The following FBXO4 variants were observed in gnomAD, a reference collection of about 807,000 sequenced individuals.
FBXO4 encodes the protein F-box protein 4.
In FBXO4, 36 loss-of-function variants were observed where a neutral mutation model predicts 43.7. The ratio of observed to expected loss-of-function variants is 0.82; its 90% CI spans 0.63 to 1.09. The LOEUF (loss-of-function observed/expected upper bound fraction) is 1.09. FBXO4 is among the 50% of genes least tolerant of loss of function. FBXO4 has a pLI of 0.00. For missense variants in FBXO4, 435 were observed against 474.1 expected (o/e 0.92, Z 0.77); for synonymous variants, 180 against 165.6 (o/e 1.09, Z -0.67).
chr5:41,925,404 A>C lies in FBXO4; in HGVS notation c.95A>C (p.Lys32Thr). 1 of 1,384,850 alleles carries C rather than the reference A, an allele frequency of 7.2e-7. No individual in the cohort carries two copies. Among genetic ancestry groups the C allele is most frequent in the Non-Finnish European group, 9.4e-7 (1 of 1,064,522 alleles). The allele number at this position is 1,384,850 out of a possible 1,614,324, so 85.8% of individuals were successfully genotyped here. ...GAGGCGGCCATCCTCAGCGGCTGGAAGACCTTCTGGCAGTCAGTGAGCAAG... is the reference window on the plus strand; with the variant it reads ...GAGGCGGCCATCCTCAGCGGCTGGACGACCTTCTGGCAGTCAGTGAGCAAG... Reference protein sequence around the residue: ...RLEAAILSGWKTFWQSVSKER... With the variant: ...RLEAAILSGWTTFWQSVSKER... Residue 32 changes from lysine (K) to threonine (T), a missense_variant, in exon 1 of 7, where the codon AAG becomes ACG. Transcript: ENST00000281623.
the FBXO4 span, among the ~76,000 whole-genome samples, chr5:42,033,804 T>C: frequency 4.4e-4 from 67 of 152,122 alleles, 1 homozygote; most frequent in East Asian, 1.4e-3. Flanking sequence ...GTTGGTCATG[T>C]CTTTGCTATT....
chr5:42,012,920 C>A, the FBXO4 span, among the ~76,000 whole-genome samples: 4 of 152,166 alleles, frequency 2.6e-5, no homozygotes, highest in Non-Finnish European at 5.9e-5. Flanking sequence ...AGAAGAACAG[C>A]AATCCTATAA....
chr5:41,951,653 A>C, the FBXO4 span: 1 of 203,500 alleles, frequency 4.9e-6, no homozygotes, highest in Non-Finnish European at 9.9e-6. Context: ...AAGCACGTGC[A>C]TAACTTCTTG....
chr5:42,032,553 A>T, the FBXO4 span, among the ~76,000 whole-genome samples: 1 of 152,120 alleles, frequency 6.6e-6, no homozygotes. Flanking sequence ...TACTGCCAAC[A>T]TTCCCTTAAG....
chr5:41,930,673 T>TC (rs1554023747), intron 3 of FBXO4, among the ~76,000 whole-genome samples: 1 of 149,384 alleles, frequency 6.7e-6, no homozygotes, highest in African/African-American at 2.5e-5. Context: ...TTTCTTTCTT[T>TC]TTTTTTTTTT....
the FBXO4 span, among the ~76,000 whole-genome samples, chr5:42,010,711 C>T: frequency 6.6e-6 from 1 of 151,958 alleles, no homozygotes; most frequent in Non-Finnish European, 1.5e-5. Flanking sequence ...GGTATATACC[C>T]TGAAGTAAAA....
Position 41,939,544 on chromosome 5 carries a change from G to A in FBXO4, c.1002G>A (p.Gly334=), listed in dbSNP as rs775226154. The A allele has an allele frequency of 1.7e-5, 28 of 1,613,604 alleles. No individual in the cohort carries two copies. The highest frequency in any genetic ancestry group is 1.9e-5 in the Non-Finnish European group (23 of 1,179,820). The change falls in exon 6 of 7, where the codon GGG becomes GGA. Residue 334 remains glycine (G), a synonymous_variant. Coordinates refer to ENST00000281623, the MANE Select transcript of FBXO4 (RefSeq NM_012176.3). ...TGGTTTTATCTTGTATTTCTCAAGG[G>A]GATGTAAAAAGAATGCCCTGTTTTT... ...PLLVLSCISQ[G]DVKRMPCFYL... is the part of the protein sequence containing the mutation.
chr5:41,992,543 A>C, the FBXO4 span, among the ~76,000 whole-genome samples: 1 of 152,334 alleles, frequency 6.6e-6, no homozygotes, highest in African/African-American at 2.4e-5. Context: ...TCTGAGTTCT[A>C]TTGTGGAAGG....
At chr5:42,006,018 G>A in the FBXO4 span, among the ~76,000 whole-genome samples, 1 of 152,026 alleles carries the variant, frequency 6.6e-6, no homozygotes, top group African/African-American at 2.4e-5. Context: ...TGTAACTAGT[G>A]TTCCCAAATG....
chr5:41,955,064 G>C, the FBXO4 span, among the ~76,000 whole-genome samples: 3 of 152,152 alleles, frequency 2.0e-5, no homozygotes, highest in Admixed American at 2.0e-4. Flanking sequence ...TGGTCCTAAA[G>C]GAAAGTAGTG....
At chr5:41,976,889 G>A in the FBXO4 span, among the ~76,000 whole-genome samples, 1 of 152,212 alleles carries the variant, frequency 6.6e-6, no homozygotes, top group African/African-American at 2.4e-5. Context: ...CCTGTTAACA[G>A]GATTCGCATC....
the FBXO4 span, among the ~76,000 whole-genome samples, chr5:41,987,979 G>A: frequency 6.6e-6 from 1 of 152,026 alleles, no homozygotes; most frequent in Non-Finnish European, 1.5e-5. Context: ...TCTGATTCTG[G>A]CTTTGATGCT....
Position 41,934,385 on chromosome 5 carries a change from G to A in FBXO4, c.898+77G>A. On this transcript the variant is annotated intron_variant, in intron 5 of 6. Coordinates refer to ENST00000281623, the MANE Select transcript of FBXO4 (RefSeq NM_012176.3). ...GGAAAATACCTTTTTAGACTTTACT[G>A]TGGCTTCTTAAGAATATGATGGCTT... The A allele has an allele frequency of 3.8e-6, 6 of 1,588,292 alleles. No homozygotes were observed. In the South Asian group the frequency reaches 6.7e-5, roughly 18 times the overall value.
intron 3 of FBXO4, among the ~76,000 whole-genome samples, 159 bp from the exon 4 acceptor site, chr5:41,933,787 G>T (rs1460178321): frequency 6.6e-6 from 1 of 152,038 alleles, no homozygotes; most frequent in African/African-American, 2.4e-5. Context: ...GTTACATACG[G>T]TATCTTTTCT....
chr5:41,983,160 A>ATAG, the FBXO4 span, among the ~76,000 whole-genome samples: 1 of 152,316 alleles, frequency 6.6e-6, no homozygotes, highest in African/African-American at 2.4e-5. Flanking sequence ...GCTATTGTGA[A>ATAG]TAGTACCACA....
chr5:41,955,871 T>C, the FBXO4 span, among the ~76,000 whole-genome samples: 1 of 152,166 alleles, frequency 6.6e-6, no homozygotes, highest in Non-Finnish European at 1.5e-5. Context: ...ATGTTGAAAG[T>C]TCTCAGAAGT....
chr5:41,985,645 T>C, the FBXO4 span, among the ~76,000 whole-genome samples: 2 of 152,176 alleles, frequency 1.3e-5, no homozygotes, highest in African/African-American at 4.8e-5. Flanking sequence ...GCCTGCGTTA[T>C]AATTTTGACT....
the FBXO4 span, among the ~76,000 whole-genome samples, chr5:42,030,239 G>T: frequency 6.6e-6 from 1 of 152,104 alleles, no homozygotes; most frequent in South Asian, 2.1e-4. Context: ...AAACAGCATG[G>T]TACTGGTACC....
At chr5:41,987,742 T>G in the FBXO4 span, among the ~76,000 whole-genome samples, 1 of 152,194 alleles carries the variant, frequency 6.6e-6, no homozygotes, top group Admixed American at 6.5e-5. Flanking sequence ...AATTCACAAT[T>G]ACTTTTTTAC....
Sources: gnomAD v4.1 joint callset for allele counts (sites outside exome capture counted in the v4.1 genomes callset) on GRCh38, gnomAD v4.1.1 for gene constraint, MANE v1.5 for transcripts, NCBI Gene and HGNC (gene_info 2026-07-23, HGNC 2026-07-21) for gene names.